GRK5: variants seen among roughly 807,000 people sequenced by gnomAD.
GRK5 encodes the protein G protein-coupled receptor kinase 5.
Under a neutral mutation model 78.4 loss-of-function variants are expected in GRK5, and 40 were observed. The ratio of observed to expected loss-of-function variants is 0.51; its 90% confidence interval spans 0.40 to 0.66. The LOEUF is 0.66. Among genes scored for constraint, GRK5 ranks in the 30% least tolerant of loss-of-function variants. GRK5 has a pLI of 0.00. For synonymous variants in GRK5, 289 were observed against 296.8 expected, an observed-to-expected ratio of 0.97 and a Z score of 0.27; for missense variants, 598 against 759.9, an observed-to-expected ratio of 0.79 and a Z score of 2.50.
rs1187347407 is a variant in GRK5, at chr10:119,379,857, A to AGAG, written c.149-956_149-954dup. Among the ~76,000 whole-genome samples the AGAG allele has an allele frequency of 6.6e-6, 1 of 152,158 alleles. No individual in the cohort carries two copies. Among genetic ancestry groups the AGAG allele is most frequent in the Admixed American group, 6.5e-5 (1 of 15,278 alleles). ...TTCAGAGGAGAACACAGAGGCCCAG[A>AGAG]GAGGGCAAGTGAATTGCTTGAAGTA... On this transcript the variant is annotated intron_variant, in intron 2 of 15. Transcript: ENST00000392870. The surrounding 1 kb of genome is among the most constrained non-coding windows in gnomAD (Gnocchi z 4.1).
Position 119,379,893 on chromosome 10 carries a change from T to G in GRK5, c.149-922T>G, listed in dbSNP as rs1447685375. On this transcript the variant is annotated intron_variant, in intron 2 of 15. Coordinates refer to ENST00000392870, the MANE Select transcript of GRK5 (RefSeq NM_005308.3). This position sits in a 1 kb window ranked among gnomAD's most constrained non-coding sequence, Gnocchi z 4.1. ...GAATTGCTTGAAGTAACACAGCAAA[T>G]TGTTGGCTAACACCATGGTCTCTGG... 6.6e-6 allele frequency among the ~76,000 whole-genome samples: 1 copy of G among 151,974 alleles called. No individual in the cohort carries two copies. Among genetic ancestry groups the G allele is most frequent in the Non-Finnish European group, 1.5e-5 (1 of 67,972 alleles).
In GRK5 at chr10:119,408,363, A is replaced by AAAAAAT. The variant is rs1554918541; in HGVS notation, c.339+11591_339+11592insAAAAAT. Among the ~76,000 whole-genome samples, 48 of 141,878 alleles carry AAAAAAT rather than the reference A, an allele frequency of 3.4e-4. 1 individual carries two copies. Among genetic ancestry groups the AAAAAAT allele is most frequent in the African/African-American group, 1.1e-3 (42 of 38,128 alleles). The allele number at this position is 141,878 out of a possible 152,430, so 93.1% of individuals were successfully genotyped here. Reference sequence around the variant, plus strand: ...TCTCAAAAAAAAAAAAAAAAAAAAAAGGCAGAAAACACAGATGCAAACAGA... The same window carrying AAAAAAT: ...TCTCAAAAAAAAAAAAAAAAAAAAAAAAAAATGGCAGAAAACACAGATGCAAACAGA... On this transcript the variant is annotated intron_variant, in intron 4 of 15. Coordinates refer to ENST00000392870, the MANE Select transcript of GRK5 (RefSeq NM_005308.3).
intron 1 of GRK5, among the ~76,000 whole-genome samples, chr10:119,262,329 GTTTTTTTTTTTTT>G (rs149424799): frequency 1.5e-5 from 1 of 67,546 alleles, no homozygotes; most frequent in Non-Finnish European, 2.7e-5. Flanking sequence ...TTAACTTTGG[GTTTTTTTTTTTTT>G]TTTTTTTTTT....
intron 1 of GRK5, among the ~76,000 whole-genome samples, chr10:119,250,967 T>C (rs1849189486): frequency 6.6e-6 from 1 of 152,206 alleles, no homozygotes; most frequent in Admixed American, 6.5e-5. Context: ...GTATTTCCCA[T>C]GTTCCATCAG....
chr10:119,323,328 G>A (rs926996590), intron 1 of GRK5, among the ~76,000 whole-genome samples: 8 of 152,212 alleles, frequency 5.3e-5, no homozygotes, highest in Non-Finnish European at 1.2e-4. Context: ...TTTGCCATAT[G>A]CAAAAAATGG....
In GRK5 at chr10:119,253,589, G is replaced by T. The variant is rs187995758; in HGVS notation, c.52+45620G>T. Among the ~76,000 whole-genome samples the T allele has an allele frequency of 2.0e-5, 3 of 152,208 alleles. No homozygotes were observed. The highest frequency in any genetic ancestry group is 4.4e-5 in the Non-Finnish European group (3 of 68,036). ...ACGGCTGGAACCAGGGCTTCAGCCC[G>T]GCGCACACCCAGCTCGTTTGGAGGT... is the stretch of plus-strand genomic sequence containing the variant. On this transcript the variant is annotated intron_variant, in intron 1 of 15. Transcript: ENST00000392870. This position sits in a 1 kb window ranked among gnomAD's most constrained non-coding sequence, Gnocchi z 5.7.
At chr10:119,331,319 G>A (rs915097185) in intron 2 of GRK5, among the ~76,000 whole-genome samples, 1 of 152,250 alleles carries the variant, frequency 6.6e-6, no homozygotes, top group African/African-American at 2.4e-5. Context: ...GGCCCGGGAA[G>A]GGCAGGAAGG....
rs943974100 is a variant in GRK5 at position 119,336,343 on chromosome 10, C to T, written c.148+9732C>T. 3.2e-4 allele frequency among the ~76,000 whole-genome samples: 48 copies of T among 152,198 alleles called. No individual in the cohort carries two copies. The highest frequency in any genetic ancestry group is 1.1e-3 in the African/African-American group (47 of 41,526). On this transcript the variant is annotated intron_variant, in intron 2 of 15. Coordinates refer to ENST00000392870, the MANE Select transcript of GRK5 (RefSeq NM_005308.3). The surrounding 1 kb of genome is among the most constrained non-coding windows in gnomAD (Gnocchi z 4.5). Reference sequence around the variant, plus strand: ...GGCCCAGTGTGTTTCCTTGAAAGGACGTGTGTCATCTAGAAGCCTGCAGCC... The same window carrying T: ...GGCCCAGTGTGTTTCCTTGAAAGGATGTGTGTCATCTAGAAGCCTGCAGCC...
At chr10:119,390,772 A>G (rs1210988528) in intron 3 of GRK5, among the ~76,000 whole-genome samples, 1 of 152,006 alleles carries the variant, frequency 6.6e-6, no homozygotes, top group Admixed American at 6.6e-5. Flanking sequence ...AGAAAGACCC[A>G]CCCTCATGAT....
intron 1 of GRK5, among the ~76,000 whole-genome samples, chr10:119,270,758 G>A (rs1486478574): frequency 1.3e-5 from 2 of 152,238 alleles, no homozygotes; most frequent in Middle Eastern, 3.2e-3. Flanking sequence ...TGAGAGGTGT[G>A]AAGCTGAGAG....
At chr10:119,299,598 C>T (rs1243071655) in intron 1 of GRK5, among the ~76,000 whole-genome samples, 1 of 152,032 alleles carries the variant, frequency 6.6e-6, no homozygotes, top group Non-Finnish European at 1.5e-5. Context: ...GGAGTTGTCC[C>T]TAGGGAATCC....
rs143472843 is a variant in GRK5, at chr10:119,409,061, G to A, written c.339+12289G>A. On this transcript the variant is annotated intron_variant, in intron 4 of 15. Transcript: ENST00000392870. The stretch of plus-strand genomic sequence containing the variant: ...CGGGGAATGAGCAAGCCCCGGAGGC[G>A]GTGTCGGGCTGACGTCCAGAGGCTG... Among the ~76,000 whole-genome samples the A allele has an allele frequency of 3.0e-4, 45 of 152,326 alleles. 1 individual carries two copies. The South Asian group carries it at 5.0e-3, about 17-fold the overall frequency.
Position 119,208,903 on chromosome 10 carries a change from A to G in GRK5, c.52+934A>G, listed in dbSNP as rs142242461. Among the ~76,000 whole-genome samples, 702 of 151,924 alleles carry G rather than the reference A, an allele frequency of 4.6e-3. 4 individuals carry two copies. Among genetic ancestry groups the G allele is most frequent in the South Asian group, 0.018 (88 of 4,802 alleles). ...TAGGAATACCTGGAATTTATGTCGC[A>G]TATTTTCCTTTTTTTTTTCTGGTCA... On this transcript the variant is annotated intron_variant, in intron 1 of 15. Coordinates refer to ENST00000392870, the MANE Select transcript of GRK5 (RefSeq NM_005308.3).
Position 119,207,933 on chromosome 10 carries a change from A to T in GRK5, c.16A>T (p.Ile6Phe). 6.2e-7 allele frequency: 1 copy of T among 1,604,142 alleles called. No individual in the cohort carries two copies. Among genetic ancestry groups the T allele is most frequent in the Non-Finnish European group, 8.5e-7 (1 of 1,176,250 alleles). Residue 6 changes from isoleucine (I) to phenylalanine (F), a missense_variant, in exon 1 of 16, where the codon ATC becomes TTC. Coordinates refer to ENST00000392870, the MANE Select transcript of GRK5 (RefSeq NM_005308.3). ...CCGACTGTCAATGGAGCTGGAAAAC[A>T]TCGTGGCCAACACGGTCTTGCTGAA... MELEN[I>F]VANTVLLKAR... is the part of the protein sequence containing the mutation.
At chr10:119,343,294 TG>T (rs1424178362) in intron 2 of GRK5, among the ~76,000 whole-genome samples, 1 of 152,116 alleles carries the variant, frequency 6.6e-6, no homozygotes, top group African/African-American at 2.4e-5. Context: ...AGAACACTTT[TG>T]GGTCAGCAGG....
chr10:119,425,208 C>T, intron 6 of GRK5, 123 bp downstream of exon 6: 1 of 667,546 alleles, frequency 1.5e-6, no homozygotes, highest in Non-Finnish European at 2.7e-6. Context: ...AACCCGACTC[C>T]CCCTGTTAAT....
intron 1 of GRK5, among the ~76,000 whole-genome samples, chr10:119,218,873 A>G (rs1211125293): frequency 6.6e-6 from 1 of 152,114 alleles, no homozygotes; most frequent in Non-Finnish European, 1.5e-5. Flanking sequence ...TCCCTAACTG[A>G]AGAATCTGAA....
At chr10:119,348,423 C>T (rs1408402027) in intron 2 of GRK5, among the ~76,000 whole-genome samples, 1 of 152,156 alleles carries the variant, frequency 6.6e-6, no homozygotes, top group Non-Finnish European at 1.5e-5. Flanking sequence ...GCGTTAGAAA[C>T]GAAGGGGAGA....
chr10:119,306,433 G>A lies in GRK5; in HGVS notation c.53-20083G>A, dbSNP rs533035982. ...CTAGGATTTTCTGAAACTTGGTCAG[G>A]GGCTCCTGGATCATGATTGCAGATT... On this transcript the variant is annotated intron_variant, in intron 1 of 15. Transcript: ENST00000392870. Among the ~76,000 whole-genome samples the A allele has an allele frequency of 3.1e-4, 47 of 152,200 alleles. 1 individual carries two copies. Among genetic ancestry groups the A allele is most frequent in the African/African-American group, 9.9e-4 (41 of 41,498 alleles).
Sources: allele counts gnomAD v4.1 joint callset (sites outside exome capture counted in the v4.1 genomes callset), GRCh38; gene constraint gnomAD v4.1.1; non-coding constraint Gnocchi (gnomAD v3.1); transcripts MANE v1.5; gene names NCBI Gene and HGNC (gene_info 2026-07-23, HGNC 2026-07-21).